Variants in GTPBP6 observed in about 807,000 individuals in gnomAD.
GTPBP6 encodes the protein GTP binding protein 6, also known as putative GTP-binding protein 6.
In GTPBP6, 33 loss-of-function variants were observed where a neutral mutation model predicts 28.9. That is an observed-to-expected ratio of 1.14 (90% confidence interval 0.87 to 1.53). The LOEUF is 1.53. GTPBP6 is among the 40% of genes most tolerant of loss of function. The probability of loss-of-function intolerance (pLI) is 0.00; values close to 1 mark genes in which losing one functional copy is unlikely to be tolerated. For synonymous variants in GTPBP6, 231 were observed against 192.7 expected, an observed-to-expected ratio of 1.20 and a Z score of -1.65; for missense variants, 507 against 408.3, an observed-to-expected ratio of 1.24 and a Z score of -2.08.
At chrX:308,732 CTTTTTT>C (rs1164566238) in intron 7 of GTPBP6, among the ~76,000 whole-genome samples, 4 of 109,486 alleles carry the variant, frequency 3.7e-5, no homozygotes, top group African/African-American at 1.4e-4. Context: ...GAAAGTTTTA[CTTTTTT>C]TTTTTTTTTT....
Position 311,641 on chromosome X carries a change from G to A in GTPBP6, c.917-14C>T, listed in dbSNP as rs775689573. ...GCGTGGTCTTTCCTAGGAGGGCGTG[G>A]AGGTCAGGGCGCTGCAGAGATCCCT... is the stretch of plus-strand genomic sequence containing the variant. On this transcript the variant is annotated splice_polypyrimidine_tract_variant and intron_variant, in intron 6 of 9. Transcript: ENST00000326153. 9 of 1,604,128 alleles carry A rather than the reference G, an allele frequency of 5.6e-6. No individual in the cohort carries two copies. The highest frequency in any genetic ancestry group is 6.8e-6 in the Non-Finnish European group (8 of 1,172,650).
intron 7 of GTPBP6, among the ~76,000 whole-genome samples, chrX:308,465 G>A (rs1396034527): frequency 6.6e-6 from 1 of 152,066 alleles, no homozygotes; most frequent in Admixed American, 6.6e-5. Context: ...GAGGTGGCTT[G>A]AGCCCAGAAG....
intron 6 of GTPBP6, chrX:312,178 CA>C (rs1458527901): frequency 2.4e-6 from 1 of 409,264 alleles, no homozygotes; most frequent in African/African-American, 2.6e-5. Flanking sequence ...ACGAAGGGGA[CA>C]TTGTGGTGTA....
At chrX:305,288 G>C in intron 9 of GTPBP6, 91 bp from the exon 10 acceptor site, 1 of 1,022,030 alleles carries the variant, frequency 9.8e-7, no homozygotes, top group South Asian at 1.3e-5. Flanking sequence ...AAAGAGCTTA[G>C]CTCAAACCAT....
Position 315,310 on chromosome X carries a change from G to C in GTPBP6, c.488-11C>G, listed in dbSNP as rs1429899303. 2 of 398,422 alleles carry C rather than the reference G, an allele frequency of 5.0e-6. No individual in the cohort carries two copies. Among genetic ancestry groups the C allele is most frequent in the African/African-American group, 2.1e-5 (1 of 48,640 alleles). 24.7% of individuals were successfully genotyped at this position (398,422 alleles called of 1,614,324 possible). ...ACCCTCGGATCTTTTCTAACAGAAA[G>C]AGGGGGTCCCGTCAGAGGCTGGCCG... On this transcript the variant is annotated splice_polypyrimidine_tract_variant and intron_variant, in intron 2 of 9. Transcript: ENST00000326153.
chrX:305,830 T>G (rs1439438908), intron 9 of GTPBP6, among the ~76,000 whole-genome samples: 2 of 152,020 alleles, frequency 1.3e-5, no homozygotes, highest in Non-Finnish European at 2.9e-5. Context: ...TTCACCGTGT[T>G]AGCCAGGCTG....
chrX:310,031 G>A (rs1292404475), intron 7 of GTPBP6, among the ~76,000 whole-genome samples: 6 of 139,580 alleles, frequency 4.3e-5, no homozygotes, highest in African/African-American at 1.2e-4. Context: ...GAGCCCCCAG[G>A]AGCTGGGAGA....
At chrX:313,233 G>A (rs190750567) in intron 5 of GTPBP6, among the ~76,000 whole-genome samples, 233 of 152,384 alleles carry the variant, frequency 1.5e-3, no homozygotes, top group African/African-American at 5.3e-3. Flanking sequence ...GGACGTCATC[G>A]TGAGCGGGCT....
At chrX:310,953 G>T (rs28457761) in intron 7 of GTPBP6, among the ~76,000 whole-genome samples, 3,843 of 151,880 alleles carry the variant, frequency 0.025, 150 homozygotes, top group African/African-American at 0.081. Context: ...TCTGTCAGGG[G>T]TCTGTGACGT....
At chrX:316,254 G>GACACACACACAC (rs1311907691) in intron 2 of GTPBP6, among the ~76,000 whole-genome samples, 1 of 14,984 alleles carries the variant, frequency 6.7e-5, no homozygotes, top group African/African-American at 1.9e-4. Flanking sequence ...TACACACGCA[G>GACACACACACAC]ACACACACAC....
intron 2 of GTPBP6, among the ~76,000 whole-genome samples, chrX:316,432 G>A (rs1241069039): frequency 6.6e-6 from 1 of 151,950 alleles, no homozygotes; most frequent in Admixed American, 6.6e-5. Context: ...CCCCACCTGG[G>A]CAGGTGACCC....
intron 2 of GTPBP6, among the ~76,000 whole-genome samples, chrX:315,601 A>T (rs2070417520): frequency 6.6e-6 from 1 of 150,462 alleles, no homozygotes; most frequent in South Asian, 2.1e-4. Flanking sequence ...ATACATCCCG[A>T]CAGGGACAGA....
chrX:310,329 G>A (rs2070259449), intron 7 of GTPBP6, among the ~76,000 whole-genome samples: 1 of 137,278 alleles, frequency 7.3e-6, no homozygotes, highest in Admixed American at 7.5e-5. Context: ...GCAGAGACTG[G>A]AGTGATGCGG....
At chrX:311,422 G>T (rs376827735) in exon 7 of GTPBP6, 2 of 1,333,588 alleles carry the variant, frequency 1.5e-6, no homozygotes, top group Admixed American at 2.6e-5. Context: ...CGCTCACCGA[G>T]TGGGCCACGT....
In GTPBP6 at chrX:307,399, A is replaced by ATCTG. The variant is rs2070193648; in HGVS notation, c.1384_1387dup (p.Ile463ThrfsTer19). The ATCTG allele has an allele frequency of 6.2e-7, 1 of 1,612,384 alleles. No individual in the cohort carries two copies. Among genetic ancestry groups the ATCTG allele is most frequent in the Non-Finnish European group, 8.5e-7 (1 of 1,179,636 alleles). ...TGCGAGCCTCACACGGAGAGTGAGG[A>ATCTG]TCTGTCTCCCCGTCGCCTTCAAAAC... On this transcript the variant is annotated frameshift_variant, in exon 9 of 10. Coordinates refer to ENST00000326153, the Ensembl canonical transcript of GTPBP6. LOFTEE classifies it high-confidence loss of function.
At chrX:317,259 C>G (rs1406627399) in intron 1 of GTPBP6, among the ~76,000 whole-genome samples, 4 of 152,212 alleles carry the variant, frequency 2.6e-5, no homozygotes, top group African/African-American at 9.6e-5. Flanking sequence ...CAGCGGGACA[C>G]GAGGGCGACC....
chrX:314,974 G>A (rs1369833233), exon 4 of GTPBP6: 12 of 398,600 alleles, frequency 3.0e-5, no homozygotes, highest in African/African-American at 1.0e-4. Context: ...CAGGACGACC[G>A]TGAAGCGGTC....
In GTPBP6 at chrX:308,732, C is replaced by CTTT. The variant is rs1164566238; in HGVS notation, c.1126-855_1126-853dup. ...ATAATTTCATCCCAGGAAAGTTTTA[C>CTTT]TTTTTTTTTTTTTTTTTTTTTGAGA... On this transcript the variant is annotated intron_variant, in intron 7 of 9. Coordinates refer to ENST00000326153, the Ensembl canonical transcript of GTPBP6. Among the ~76,000 whole-genome samples, 140 of 109,470 alleles carry CTTT rather than the reference C, an allele frequency of 1.3e-3. 1 individual carries two copies. The highest frequency in any genetic ancestry group is 4.5e-3 in the African/African-American group (129 of 28,884). 71.8% of individuals were successfully genotyped at this position (109,470 alleles called of 152,430 possible).
chrX:317,706 ACCCCACCCCACCCC>A (rs2070464663), intron 1 of GTPBP6, among the ~76,000 whole-genome samples: 1 of 5,568 alleles, frequency 1.8e-4, no homozygotes, highest in Non-Finnish European at 6.8e-4. Flanking sequence ...ACCCCACCCC[ACCCCACCCCACCCC>A]ACCCCACCCC....
Sources: gnomAD v4.1 joint callset for allele counts (sites outside exome capture counted in the v4.1 genomes callset) on GRCh38, gnomAD v4.1.1 for gene constraint, MANE v1.5 for transcripts, NCBI Gene and HGNC (gene_info 2026-07-23, HGNC 2026-07-21) for gene names.